Variants in HIPK1 observed in about 807,000 individuals in gnomAD.
HIPK1 encodes the protein homeodomain-interacting protein kinase 1.
HIPK1 carries 28 observed loss-of-function variants against 117.1 expected under a neutral mutation model. The ratio of observed to expected loss-of-function variants is 0.24; its 90% CI spans 0.18 to 0.33. The LOEUF (loss-of-function observed/expected upper bound fraction) is 0.33, where lower values mean the gene tolerates loss of function less well. Ranked by LOEUF, HIPK1 falls within the 10% of genes least tolerant of loss-of-function variation. The probability of loss-of-function intolerance (pLI) is 1.00; values close to 1 mark genes in which losing one functional copy is unlikely to be tolerated. For synonymous variants in HIPK1, 605 were observed against 562.5 expected (o/e 1.08, Z -1.07); for missense variants, 1,122 against 1,475.1 (o/e 0.76, Z 3.92).
chr1:113,956,009 A>G (rs927582841), intron 5 of HIPK1, among the ~76,000 whole-genome samples: 5 of 151,732 alleles, frequency 3.3e-5, no homozygotes, highest in Non-Finnish European at 7.4e-5. Flanking sequence ...AATTTTTTCA[A>G]CAGTAGAAGC....
At position 113,963,501 on chromosome 1, in the gene HIPK1, G is replaced by T; in HGVS notation, c.2218G>T (p.Glu740Ter). The change falls in exon 10 of 16, where the codon GAA becomes TAA. Residue 740 changes from glutamate to a stop codon, truncating the protein, a stop_gained. Transcript: ENST00000426820. LOFTEE classifies it high-confidence loss of function. ...SCAAGRPALV[E>*]QTAAVLQAWP... ...CGCAGCCGGCCGGCCGGCGCTGGTT[G>T]AACAGACTGCCGCTGTACTGGTAAT... is the stretch of plus-strand genomic sequence containing the variant. 6.2e-7 allele frequency: 1 copy of T among 1,614,148 alleles called. No homozygotes were observed. The highest frequency in any genetic ancestry group is 1.1e-5 in the South Asian group (1 of 91,048).
intron 1 of HIPK1, chr1:113,933,183 GC>G: frequency 3.0e-6 from 3 of 985,300 alleles, no homozygotes; most frequent in Non-Finnish European, 3.6e-6. Context: ...TTGATACAAA[GC>G]AACAGCCTCT....
chr1:113,941,419 A>C lies in HIPK1; in HGVS notation c.1036A>C (p.Lys346Gln). 1 of 1,614,196 alleles carries C rather than the reference A, an allele frequency of 6.2e-7. No homozygotes were observed. Among genetic ancestry groups the C allele is most frequent in the Non-Finnish European group, 8.5e-7 (1 of 1,180,004 alleles). Residue 346 changes from lysine to glutamine, a missense_variant, in exon 2 of 16, where the codon AAA (lysine) becomes CAA (glutamine). By Grantham distance (53) the Lys-to-Gln change is moderately conservative. Coordinates refer to ENST00000426820, the MANE Select transcript of HIPK1 (RefSeq NM_198268.3). The surrounding 1 kb of genome is among the most constrained non-coding windows in gnomAD (Gnocchi z 4.9). ...IDFGSASHVS[K>Q]AVCSTYLQSR... is the part of the protein sequence containing the mutation. Reference sequence around the variant, plus strand: ...CTTTGGTTCTGCTAGTCACGTTTCCAAAGCTGTGTGCTCAACCTACTTACA... The same window carrying C: ...CTTTGGTTCTGCTAGTCACGTTTCCCAAGCTGTGTGCTCAACCTACTTACA...
chr1:113,933,306 C>A, intron 1 of HIPK1: 1 of 545,638 alleles, frequency 1.8e-6, no homozygotes, highest in Non-Finnish European at 2.3e-6. Context: ...GTTGAAGGAA[C>A]TAGGGCCAGA....
rs72998192 is a variant in HIPK1, at chr1:113,961,589, T to C, written c.1982-728T>C. On this transcript the variant is annotated intron_variant, in intron 8 of 15. Coordinates refer to ENST00000426820, the MANE Select transcript of HIPK1 (RefSeq NM_198268.3). ...TTATCTAATTCACTAAAAGTTATAC[T>C]TAAGCCTTTGCTTTTAAAGATTAGA... Among the ~76,000 whole-genome samples the C allele has an allele frequency of 1.7e-3, 263 of 152,334 alleles. 1 individual carries two copies. Among genetic ancestry groups the C allele is most frequent in the African/African-American group, 5.9e-3 (247 of 41,580 alleles).
intron 9 of HIPK1, among the ~76,000 whole-genome samples, 191 bp from the exon 10 acceptor site, chr1:113,963,196 A>G (rs1374724063): frequency 6.6e-6 from 1 of 152,198 alleles, no homozygotes. Context: ...GTTTTAGGCC[A>G]TTGGCATTTG....
chr1:113,933,181 A>G, intron 1 of HIPK1: 1 of 985,310 alleles, frequency 1.0e-6, no homozygotes, highest in South Asian at 4.7e-5. Context: ...TTTTGATACA[A>G]AGCAACAGCC....
intron 11 of HIPK1, among the ~76,000 whole-genome samples, 192 bp from the exon 12 acceptor site, chr1:113,967,574 T>C (rs1672536533): frequency 6.6e-6 from 1 of 152,234 alleles, no homozygotes; most frequent in African/African-American, 2.4e-5. Flanking sequence ...GATCGTATTA[T>C]TAGATTTTTT....
intron 12 of HIPK1, 54 bp downstream of exon 12, chr1:113,968,002 T>G: frequency 6.7e-7 from 1 of 1,495,888 alleles, no homozygotes; most frequent in Non-Finnish European, 9.1e-7. Context: ...AGAGATATGT[T>G]GCCTTGCATT....
chr1:113,957,737 G>T (rs1671818141), intron 7 of HIPK1, among the ~76,000 whole-genome samples: 2 of 152,114 alleles, frequency 1.3e-5, no homozygotes, highest in Non-Finnish European at 2.9e-5. Flanking sequence ...CCAGTTTCTT[G>T]GCTGGGTCTA....
chr1:113,958,603 T>C (rs1671887430), intron 8 of HIPK1, among the ~76,000 whole-genome samples: 1 of 152,236 alleles, frequency 6.6e-6, no homozygotes, highest in Non-Finnish European at 1.5e-5. Context: ...TCTGTCAATA[T>C]GCAAAATCTA....
In HIPK1 at chr1:113,929,877, C is replaced by T. The variant is rs918069494; in HGVS notation, c.-3+345C>T. 4.1e-6 allele frequency: 4 copies of T among 987,182 alleles called. No homozygotes were observed. The African/African-American group carries it at 7.0e-5, about 17-fold the overall frequency. 61.2% of individuals were successfully genotyped at this position (987,182 alleles called of 1,614,324 possible). On this transcript the variant is annotated intron_variant, in intron 1 of 15. Transcript: ENST00000426820. ...GACCCGGCTGCGGGGCCCCAGATCT[C>T]GTCTCCTCCGCCGCCTCCTCACGGC... is the stretch of plus-strand genomic sequence containing the variant.
At chr1:113,972,954 T>C in intron 15 of HIPK1, 70 bp from the exon 16 acceptor site, 8 of 1,484,950 alleles carry the variant, frequency 5.4e-6, no homozygotes, top group Non-Finnish European at 7.2e-6. Flanking sequence ...ACCTGAGCTC[T>C]TAACTTGGCC....
chr1:113,933,323 A>C (rs923056209), intron 1 of HIPK1: 5 of 378,030 alleles, frequency 1.3e-5, no homozygotes, highest in African/African-American at 1.1e-4. Flanking sequence ...CAGAGAAGGC[A>C]AGGTCTATTG....
At chr1:113,937,264 G>T (rs774129225) in intron 1 of HIPK1, among the ~76,000 whole-genome samples, 3 of 152,220 alleles carry the variant, frequency 2.0e-5, no homozygotes, top group Non-Finnish European at 4.4e-5. Context: ...GACTAGTCCA[G>T]TGCAGGTGGT....
chr1:113,937,520 G>A (rs1670331952), intron 1 of HIPK1, among the ~76,000 whole-genome samples: 1 of 152,014 alleles, frequency 6.6e-6, no homozygotes, highest in Non-Finnish European at 1.5e-5. Flanking sequence ...AATGTGAGTG[G>A]TAGGGAGTTG....
chr1:113,953,997 T>G (rs1398805641), intron 3 of HIPK1: 1 of 152,378 alleles, frequency 6.6e-6, no homozygotes, highest in African/African-American at 2.4e-5. Context: ...AGAGTCTTGC[T>G]CAGTCACCCA....
intron 1 of HIPK1, chr1:113,930,064 A>T (rs1229341465): frequency 1.0e-6 from 1 of 966,316 alleles, no homozygotes. Context: ...CCTTCCTCAA[A>T]GGGCCCCTGC....
chr1:113,968,981 C>G (rs1190192631), intron 13 of HIPK1, among the ~76,000 whole-genome samples: 1 of 152,206 alleles, frequency 6.6e-6, no homozygotes, highest in Non-Finnish European at 1.5e-5. Flanking sequence ...GATCGTGCCA[C>G]TGTACTCCAG....
Sources: allele counts gnomAD v4.1 joint callset (sites outside exome capture counted in the v4.1 genomes callset), GRCh38; gene constraint gnomAD v4.1.1; non-coding constraint Gnocchi (gnomAD v3.1); transcripts MANE v1.5; gene names NCBI Gene and HGNC (gene_info 2026-07-23, HGNC 2026-07-21).